COL5A1: variants seen among roughly 807,000 people sequenced by gnomAD.
COL5A1 encodes collagen alpha-1(V) chain.
Under a neutral mutation model 263.7 loss-of-function variants are expected in COL5A1, and 16 were observed. The ratio of observed to expected loss-of-function variants is 0.06; its 90% CI spans 0.04 to 0.09. The LOEUF is 0.09. Ranked by LOEUF, COL5A1 falls within the 10% of genes least tolerant of loss-of-function variation. The pLI, the probability that COL5A1 is intolerant of heterozygous loss-of-function variation, is 1.00. For synonymous variants in COL5A1, 1,012 were observed against 1,004.5 expected, an observed-to-expected ratio of 1.01 and a Z score of -0.14; for missense variants, 2,036 against 2,540.5, an observed-to-expected ratio of 0.80 and a Z score of 4.27.
chr9:134,828,710 G>C (rs1354902255), intron 63 of COL5A1, among the ~76,000 whole-genome samples: 12 of 772 alleles, frequency 0.016, no homozygotes, highest in Non-Finnish European at 0.03. Flanking sequence ...ACCACACATA[G>C]ATACGCACCA....
At position 134,821,690 on chromosome 9, in the gene COL5A1, C is replaced by T. The variant is rs1018228732; in HGVS notation, c.4555-407C>T. Among the ~76,000 whole-genome samples the T allele has an allele frequency of 6.6e-6, 1 of 152,358 alleles. No individual in the cohort carries two copies. Among genetic ancestry groups the T allele is most frequent in the Admixed American group, 6.5e-5 (1 of 15,306 alleles). On this transcript the variant is annotated intron_variant, in intron 58 of 65. Transcript: ENST00000371817. This position sits in a 1 kb window ranked among gnomAD's most constrained non-coding sequence, Gnocchi z 4.2. The stretch of plus-strand genomic sequence containing the variant: ...GGACTCCCTGCCCAACCCCTCCGGG[C>T]TTAGTTCTAGAGGGGAGACTAACAC...
At chr9:134,693,716 C>T (rs1358626863) in intron 2 of COL5A1, among the ~76,000 whole-genome samples, 1 of 152,228 alleles carries the variant, frequency 6.6e-6, no homozygotes, top group African/African-American at 2.4e-5. Flanking sequence ...AGCAAACTCG[C>T]CACCTGTCCT....
At chr9:134,788,001 G>A (rs1278176417) in intron 31 of COL5A1, among the ~76,000 whole-genome samples, 2 of 152,180 alleles carry the variant, frequency 1.3e-5, no homozygotes, top group Non-Finnish European at 2.9e-5. Context: ...GTGAGTGGAG[G>A]GGTGTGGATA....
intron 27 of COL5A1, among the ~76,000 whole-genome samples, chr9:134,777,031 T>C (rs1837078151): frequency 6.6e-6 from 1 of 152,188 alleles, no homozygotes. Flanking sequence ...GGGTTCACCA[T>C]ATGAGTTTTT....
At chr9:134,781,468 C>T (rs536823416) in intron 28 of COL5A1, among the ~76,000 whole-genome samples, 3 of 152,366 alleles carry the variant, frequency 2.0e-5, no homozygotes, top group East Asian at 1.9e-4. Context: ...TCCCGTTGGT[C>T]CCCGGGAGGC....
At position 134,818,036 on chromosome 9, in the gene COL5A1, C is replaced by T. The variant is rs906112081; in HGVS notation, c.4230+205C>T. Among the ~76,000 whole-genome samples the T allele has an allele frequency of 3.3e-5, 5 of 152,182 alleles. No individual in the cohort carries two copies. The East Asian group carries it at 7.7e-4, about 23-fold the overall frequency. On this transcript the variant is annotated intron_variant, in intron 54 of 65. Transcript: ENST00000371817. The surrounding 1 kb of genome is among the most constrained non-coding windows in gnomAD (Gnocchi z 6.0). ...CAAGTGGTGGCCACAAGACTGGGGC[C>T]GTCTGCCTTGCCCACCTGAGGGAGG... is the stretch of plus-strand genomic sequence containing the variant.
chr9:134,812,346 G>T, intron 46 of COL5A1, 103 bp from the exon 47 acceptor site: 2 of 1,226,996 alleles, frequency 1.6e-6, no homozygotes, highest in Non-Finnish European at 1.2e-6. Flanking sequence ...CCGGGGCTTC[G>T]GGGGCTCAGT....
intron 61 of COL5A1, among the ~76,000 whole-genome samples, chr9:134,824,019 G>GTGTGTGTGCA (rs1839144667): frequency 1.3e-5 from 2 of 150,936 alleles, no homozygotes; most frequent in African/African-American, 5.0e-5. Flanking sequence ...ATGTGCATGT[G>GTGTGTGTGCA]TGTGTGTGTG....
intron 27 of COL5A1, among the ~76,000 whole-genome samples, 170 bp downstream of exon 27, chr9:134,775,082 G>A (rs769026079): frequency 2.6e-5 from 4 of 152,226 alleles, no homozygotes; most frequent in African/African-American, 4.8e-5. Flanking sequence ...TCAGGACAGC[G>A]GGCCTGAGCA....
chr9:134,805,260 C>G (rs933294231), intron 41 of COL5A1, 46 bp downstream of exon 41: 1 of 1,607,792 alleles, frequency 6.2e-7, no homozygotes, highest in Non-Finnish European at 8.5e-7. Context: ...ATCCTACTCT[C>G]CAGGTCAGAA....
At chr9:134,767,151 C>A in intron 23 of COL5A1, 98 bp downstream of exon 23, 1 of 1,478,128 alleles carries the variant, frequency 6.8e-7, no homozygotes, top group South Asian at 1.2e-5. Flanking sequence ...GCTCTGTCCC[C>A]TCCAAGTAGC....
At chr9:134,687,981 T>G (rs747022085) in intron 1 of COL5A1, among the ~76,000 whole-genome samples, 3 of 152,214 alleles carry the variant, frequency 2.0e-5, no homozygotes, top group Non-Finnish European at 2.9e-5. Context: ...AGTGGAGTTT[T>G]CATCCTGATG....
At chr9:134,827,994 C>T (rs1418525814) in intron 63 of COL5A1, among the ~76,000 whole-genome samples, 1 of 152,166 alleles carries the variant, frequency 6.6e-6, no homozygotes, top group Non-Finnish European at 1.5e-5. Context: ...GGCACAAGGC[C>T]AGCTCAAGAA....
At chr9:134,760,228 G>GCA (rs1277303489) in intron 18 of COL5A1, among the ~76,000 whole-genome samples, 1 of 46,342 alleles carries the variant, frequency 2.2e-5, no homozygotes, top group African/African-American at 1.0e-4. Flanking sequence ...CACACCACAT[G>GCA]CACACACACG....
chr9:134,747,844 T>C lies in COL5A1; in HGVS notation c.1495-2698T>C, dbSNP rs1313898826. Among the ~76,000 whole-genome samples, 71 of 120,302 alleles carry C rather than the reference T, an allele frequency of 5.9e-4. 3 individuals are homozygous for C. Among genetic ancestry groups the C allele is most frequent in the Non-Finnish European group, 9.7e-4 (56 of 57,990 alleles). 78.9% of individuals were successfully genotyped at this position (120,302 alleles called of 152,430 possible). A position where few individuals can be genotyped will look rare whatever the true frequency, so the allele number is the denominator to read the frequency against. On this transcript the variant is annotated intron_variant, in intron 11 of 65. Transcript: ENST00000371817. Reference sequence around the variant, plus strand: ...ATGCGTTCATACACATGCAGACACATGCACACATGCATTCATACACACATG... The same window carrying C: ...ATGCGTTCATACACATGCAGACACACGCACACATGCATTCATACACACATG...
chr9:134,834,596 T>TAGGGAAGAC (rs1450684286), intron 64 of COL5A1, among the ~76,000 whole-genome samples: 1 of 152,178 alleles, frequency 6.6e-6, no homozygotes, highest in Non-Finnish European at 1.5e-5. Context: ...TATAGTCTGC[T>TAGGGAAGAC]AGGGAAGACA....
At chr9:134,785,955 A>AT (rs1564457686) in intron 30 of COL5A1, 40 bp from the exon 31 acceptor site, 1 of 1,572,484 alleles carries the variant, frequency 6.4e-7, no homozygotes, top group Admixed American at 1.7e-5. Flanking sequence ...GGATGGAGCA[A>AT]TACCGTGCTG....
rs7030715 is a variant in COL5A1 at position 134,808,566 on chromosome 9, C to T, written c.3367-617C>T. Among the ~76,000 whole-genome samples, 372 of 149,294 alleles carry T rather than the reference C, an allele frequency of 2.5e-3. 1 individual carries two copies. The highest frequency in any genetic ancestry group is 9.0e-3 in the African/African-American group (350 of 38,724). ...GTGTACATGTTGGTGCATATTCACA[C>T]GTGTGCACATGTTGGTGCATATTCA... On this transcript the variant is annotated intron_variant, in intron 42 of 65. Coordinates refer to ENST00000371817, the MANE Select transcript of COL5A1 (RefSeq NM_000093.5).
At chr9:134,824,296 G>T (rs1213042728) in intron 61 of COL5A1, among the ~76,000 whole-genome samples, 2 of 152,210 alleles carry the variant, frequency 1.3e-5, no homozygotes, top group Non-Finnish European at 2.9e-5. Context: ...TTGGCCTTTT[G>T]TGTGGCTGAG....
Sources: gnomAD v4.1 joint callset for allele counts (sites outside exome capture counted in the v4.1 genomes callset) on GRCh38, gnomAD v4.1.1 for gene constraint, Gnocchi (gnomAD v3.1) non-coding constraint, MANE v1.5 for transcripts, NCBI Gene and HGNC (gene_info 2026-07-23, HGNC 2026-07-21) for gene names.